Variants in FANCA observed in about 807,000 individuals in gnomAD.
The protein encoded by FANCA is Fanconi anemia group A protein.
In FANCA, 236 loss-of-function variants were observed where a neutral mutation model predicts 194.3. The ratio of observed to expected loss-of-function variants is 1.21; its 90% confidence interval spans 1.09 to 1.35. FANCA has a LOEUF of 1.35. Ranked by LOEUF, FANCA falls within the 40% of genes most tolerant of loss-of-function variation. The pLI is 0.00. For missense variants in FANCA, 2,628 were observed against 1,813.9 expected (o/e 1.45, Z -8.15); for synonymous variants, 1,014 against 715.8 (o/e 1.42, Z -6.65).
chr16:89,752,092 G>T (rs748996566), intron 31 of FANCA, 46 bp downstream of exon 31: 1 of 1,539,266 alleles, frequency 6.5e-7, no homozygotes. Flanking sequence ...ATAGCACGCG[G>T]CTTAAATGAA....
chr16:89,747,744 G>A (rs985458382), intron 33 of FANCA, among the ~76,000 whole-genome samples: 4 of 152,026 alleles, frequency 2.6e-5, no homozygotes, highest in African/African-American at 9.7e-5. Context: ...ATAAAATGCT[G>A]CACAGCTGGC....
At chr16:89,771,877 C>T (rs11640360) in intron 22 of FANCA, 63 bp from the exon 23 acceptor site, 2 of 1,595,186 alleles carry the variant, frequency 1.3e-6, no homozygotes, top group Non-Finnish European at 1.7e-6. Context: ...CAGCTGCGGC[C>T]TAGAGAGCTC....
Position 89,797,887 on chromosome 16 carries a change from C to T in FANCA, c.893+1279G>A, listed in dbSNP as rs2040301966. 2.0e-5 allele frequency among the ~76,000 whole-genome samples: 3 copies of T among 150,992 alleles called. 1 individual carries two copies. Among genetic ancestry groups the T allele is most frequent in the Middle Eastern group, 6.4e-3 (2 of 312 alleles). Reference sequence around the variant, plus strand: ...TCCAGCCTGGGCAACAAGAATAAAACTCTGTCTCAAAAATAAATAAATAAA... The same window carrying T: ...TCCAGCCTGGGCAACAAGAATAAAATTCTGTCTCAAAAATAAATAAATAAA... On this transcript the variant is annotated intron_variant, in intron 10 of 42. Transcript: ENST00000389301.
intron 3 of FANCA, among the ~76,000 whole-genome samples, chr16:89,812,853 T>G (rs1369293807): frequency 2.0e-5 from 3 of 147,336 alleles, no homozygotes; most frequent in East Asian, 4.1e-4. Context: ...GCCAAGATGG[T>G]GAAACCCCGC....
intron 15 of FANCA, among the ~76,000 whole-genome samples, chr16:89,783,512 C>T (rs1372200746): frequency 6.6e-6 from 1 of 150,864 alleles, no homozygotes. Context: ...GATCGCGCCA[C>T]TGCACTCCAG....
intron 11 of FANCA, among the ~76,000 whole-genome samples, chr16:89,794,471 G>A (rs1483506754): frequency 6.6e-6 from 1 of 152,138 alleles, no homozygotes; most frequent in East Asian, 1.9e-4. Context: ...AGGCGGCAGA[G>A]GTTGCAGTGA....
At chr16:89,742,653 CAA>C (rs749345470) in intron 37 of FANCA, 145 bp downstream of exon 37, 17,971 of 297,910 alleles carry the variant, frequency 0.06, no homozygotes, top group East Asian at 0.082. Flanking sequence ...ACTAAAAATA[CAA>C]AAAAAAAAAA....
chr16:89,803,072 T>C (rs552931351), intron 8 of FANCA, among the ~76,000 whole-genome samples, 187 bp downstream of exon 8: 19 of 152,316 alleles, frequency 1.2e-4, no homozygotes, highest in Middle Eastern at 3.4e-3. Flanking sequence ...TGATACATAC[T>C]GGAGGTGACG....
chr16:89,799,904 G>A (rs1286253667), intron 8 of FANCA, among the ~76,000 whole-genome samples: 1 of 152,210 alleles, frequency 6.6e-6, no homozygotes, highest in Non-Finnish European at 1.5e-5. Context: ...TGAGGCAGGA[G>A]AATGGCGTGA....
rs2143140337 is a variant in FANCA, at chr16:89,749,913, G to C, written c.3067-11C>G. 6.2e-7 allele frequency: 1 copy of C among 1,613,858 alleles called. No homozygotes were observed. ...GTCAGCTACCATCTCCTGAAAAAGA[G>C]CAGTATGCTGGCACAGGAAGGCCTC... is the stretch of plus-strand genomic sequence containing the variant. On this transcript the variant is annotated splice_polypyrimidine_tract_variant and intron_variant, in intron 31 of 42. Coordinates refer to ENST00000389301, the MANE Select transcript of FANCA (RefSeq NM_000135.4).
At chr16:89,750,092 G>A (rs917436772) in intron 31 of FANCA, among the ~76,000 whole-genome samples, 190 bp from the exon 32 acceptor site, 1 of 152,220 alleles carries the variant, frequency 6.6e-6, no homozygotes, top group Non-Finnish European at 1.5e-5. Context: ...GCCGGGTGCT[G>A]TGGCTCACGT....
At chr16:89,750,312 G>C (rs375296163) in intron 31 of FANCA, among the ~76,000 whole-genome samples, 1 of 151,210 alleles carries the variant, frequency 6.6e-6, no homozygotes, top group African/African-American at 2.4e-5. Context: ...AAACCCTGTC[G>C]CTACTAAAAA....
intron 6 of FANCA, among the ~76,000 whole-genome samples, chr16:89,806,400 G>A (rs929325370): frequency 6.7e-6 from 1 of 148,788 alleles, no homozygotes; most frequent in Non-Finnish European, 1.5e-5. Context: ...CTCGCAGAGG[G>A]GGATTTGGCA....
In FANCA at chr16:89,798,874, G is replaced by A. The variant is rs1470107550; in HGVS notation, c.893+292C>T. The A allele has an allele frequency of 9.0e-6, 14 of 1,563,250 alleles. No individual in the cohort carries two copies. The Admixed American group carries it at 2.3e-4, about 25-fold the overall frequency. ...GAGGAGCAAGGGGAGACTCCACACA[G>A]GAGGAGGTCACAGTGAGTGGGACAA... On this transcript the variant is annotated intron_variant, in intron 10 of 42. Transcript: ENST00000389301.
chr16:89,812,844 C>A (rs1385044686), intron 3 of FANCA, among the ~76,000 whole-genome samples: 2 of 148,586 alleles, frequency 1.3e-5, no homozygotes, highest in African/African-American at 5.0e-5. Flanking sequence ...ACCAGCCTGG[C>A]CAAGATGGTG....
intron 30 of FANCA, among the ~76,000 whole-genome samples, chr16:89,754,324 G>C (rs186057254): frequency 6.6e-6 from 1 of 152,060 alleles, no homozygotes; most frequent in African/African-American, 2.4e-5. Context: ...ATCCAGATAG[G>C]AAAGGAAAAA....
chr16:89,766,495 A>G (rs2039132126), intron 27 of FANCA, among the ~76,000 whole-genome samples: 1 of 151,796 alleles, frequency 6.6e-6, no homozygotes, highest in South Asian at 2.1e-4. Context: ...GGATCACTTG[A>G]GGTCAGGAGT....
chr16:89,763,959 T>G (rs1287730624), intron 28 of FANCA, among the ~76,000 whole-genome samples: 1 of 144,292 alleles, frequency 6.9e-6, no homozygotes, highest in Non-Finnish European at 1.5e-5. Context: ...AAAAAACAAG[T>G]TCTCGGGCGC....
chr16:89,745,211 G>A (rs2038339912), intron 35 of FANCA, 140 bp from the exon 36 acceptor site: 1 of 785,458 alleles, frequency 1.3e-6, no homozygotes, highest in African/African-American at 1.7e-5. Flanking sequence ...TCCAAAGCCA[G>A]TATTTTTTAC....
Sources: gnomAD v4.1 joint callset for allele counts (sites outside exome capture counted in the v4.1 genomes callset) on GRCh38, gnomAD v4.1.1 for gene constraint, MANE v1.5 for transcripts, NCBI Gene and HGNC (gene_info 2026-07-23, HGNC 2026-07-21) for gene names.